The following SUGCT variants were observed in gnomAD, a reference collection of about 807,000 sequenced individuals.
The protein encoded by SUGCT is succinyl-CoA:glutarate CoA-transferase.
A neutral mutation model predicts 55.0 loss-of-function variants in SUGCT; 41 were observed. The observed-to-expected ratio is 0.74, with a 90% CI of 0.58 to 0.97. SUGCT has a LOEUF of 0.97. SUGCT is among the 50% of genes least tolerant of loss of function. The pLI, the probability that SUGCT is intolerant of heterozygous loss-of-function variation, is 0.00. For missense variants in SUGCT, 568 were observed against 547.8 expected (o/e 1.04, Z -0.37); for synonymous variants, 187 against 200.4 (o/e 0.93, Z 0.56).
the SUGCT span, among the ~76,000 whole-genome samples, chr7:40,951,270 A>T: frequency 6.6e-6 from 1 of 152,088 alleles, no homozygotes; most frequent in Non-Finnish European, 1.5e-5. Flanking sequence ...GTATTCTCTG[A>T]TGGTAGTTTG....
chr7:40,695,740 A>G (rs766730457), intron 12 of SUGCT, among the ~76,000 whole-genome samples: 13 of 152,292 alleles, frequency 8.5e-5, no homozygotes, highest in East Asian at 3.9e-4. Flanking sequence ...GTTAAGAATA[A>G]TCGTTATGGG....
intron 12 of SUGCT, among the ~76,000 whole-genome samples, chr7:40,592,031 A>G (rs1347438468): frequency 1.3e-5 from 2 of 152,186 alleles, no homozygotes; most frequent in Non-Finnish European, 2.9e-5. Context: ...GTATGCCTAT[A>G]TTTCTTGGCA....
At chr7:40,415,381 T>C (rs1786944304) in intron 9 of SUGCT, among the ~76,000 whole-genome samples, 1 of 151,866 alleles carries the variant, frequency 6.6e-6, no homozygotes, top group Non-Finnish European at 1.5e-5. Flanking sequence ...TTTATGTTTA[T>C]TGGACATTTG....
intron 1 of SUGCT, among the ~76,000 whole-genome samples, chr7:40,179,183 G>C (rs1289737454): frequency 6.6e-6 from 1 of 152,120 alleles, no homozygotes; most frequent in Non-Finnish European, 1.5e-5. Flanking sequence ...TATCTCTGCT[G>C]TAAGCCATTG....
At chr7:40,160,907 A>G (rs542927181) in intron 1 of SUGCT, among the ~76,000 whole-genome samples, 5 of 152,294 alleles carry the variant, frequency 3.3e-5, no homozygotes, top group African/African-American at 1.2e-4. Flanking sequence ...TGATTTTCAT[A>G]GCATACTGAT....
intron 12 of SUGCT, among the ~76,000 whole-genome samples, chr7:40,506,999 T>G (rs534447897): frequency 6.6e-6 from 1 of 152,306 alleles, no homozygotes; most frequent in South Asian, 2.1e-4. Context: ...TTTGAGCATA[T>G]TTATAACAGC....
chr7:40,243,339 A>C (rs1789591962), intron 7 of SUGCT, among the ~76,000 whole-genome samples: 1 of 152,064 alleles, frequency 6.6e-6, no homozygotes, highest in Non-Finnish European at 1.5e-5. Flanking sequence ...CATATGTGTA[A>C]TGTTGTATTA....
At chr7:40,496,770 T>TCATATGATTATCTTAAACCTCTGAC (rs2151519922) in intron 12 of SUGCT, among the ~76,000 whole-genome samples, 1 of 148,184 alleles carries the variant, frequency 6.7e-6, no homozygotes, top group African/African-American at 2.5e-5. Flanking sequence ...AAACCTCTGA[T>TCATATGATTATCTTAAACCTCTGAC]CATATGATTA....
chr7:40,273,893 C>T (rs981695025), intron 7 of SUGCT, among the ~76,000 whole-genome samples: 3 of 152,108 alleles, frequency 2.0e-5, no homozygotes, highest in Non-Finnish European at 4.4e-5. Flanking sequence ...CCCAGTGCTC[C>T]ATGTCCCATA....
intron 8 of SUGCT, among the ~76,000 whole-genome samples, chr7:40,289,020 A>T (rs1273512572): frequency 6.6e-6 from 1 of 152,172 alleles, no homozygotes; most frequent in Non-Finnish European, 1.5e-5. Context: ...ATGTTTAACC[A>T]CTACTATGTC....
At chr7:40,383,192 T>G (rs1784956235) in intron 9 of SUGCT, among the ~76,000 whole-genome samples, 1 of 152,160 alleles carries the variant, frequency 6.6e-6, no homozygotes, top group Admixed American at 6.5e-5. Context: ...GGACTTGTGT[T>G]TCCTCTGTTT....
chr7:40,991,856 T>C, the SUGCT span, among the ~76,000 whole-genome samples: 1 of 152,054 alleles, frequency 6.6e-6, no homozygotes, highest in Admixed American at 6.6e-5. Flanking sequence ...TGCATGGTGT[T>C]AGAAGATGGA....
intron 1 of SUGCT, among the ~76,000 whole-genome samples, chr7:40,174,663 T>C (rs529575876): frequency 6.6e-6 from 1 of 152,216 alleles, no homozygotes; most frequent in Admixed American, 6.5e-5. Flanking sequence ...AATAAATGAA[T>C]AAAGTTGATT....
Position 40,181,006 on chromosome 7 carries a change from T to C in SUGCT, c.152+8T>C, listed in dbSNP as rs751997717. ...AATTCTGGATCTAACAAGGTTTGTA[T>C]TGGTTTATCTACATTTTGGTGATTG... On this transcript the variant is annotated splice_region_variant and intron_variant, in intron 2 of 13. Transcript: ENST00000335693. 35 of 1,597,880 alleles carry C rather than the reference T, an allele frequency of 2.2e-5. No individual in the cohort carries two copies. The highest frequency in any genetic ancestry group is 3.3e-4 in the Middle Eastern group (2 of 6,036).
chr7:40,162,573 C>T (rs987965267), intron 1 of SUGCT, among the ~76,000 whole-genome samples: 37 of 152,282 alleles, frequency 2.4e-4, no homozygotes, highest in African/African-American at 7.7e-4. Context: ...ACCTGCTGGG[C>T]TCAAGTGATC....
At chr7:40,366,615 G>T (rs1332394666) in intron 9 of SUGCT, among the ~76,000 whole-genome samples, 2 of 152,140 alleles carry the variant, frequency 1.3e-5, no homozygotes, top group African/African-American at 4.8e-5. Context: ...GATATGAACA[G>T]ACACTTCTCA....
rs1562865900 is a variant in SUGCT at position 40,565,997 on chromosome 7, A to ATG, written c.1089+69611_1089+69612insTG. The stretch of plus-strand genomic sequence containing the variant: ...CACACACACACACACACACACGCAC[A>ATG]CACACACACACACACACACACACAC... On this transcript the variant is annotated intron_variant, in intron 12 of 13. Transcript: ENST00000335693. Among the ~76,000 whole-genome samples, 9 of 66,812 alleles carry ATG rather than the reference A, an allele frequency of 1.3e-4. No individual in the cohort carries two copies. In the East Asian group the frequency reaches 5.7e-3, roughly 42 times the overall value. 43.8% of individuals were successfully genotyped at this position (66,812 alleles called of 152,430 possible).
At chr7:40,511,491 T>C (rs1243425608) in intron 12 of SUGCT, among the ~76,000 whole-genome samples, 2 of 152,156 alleles carry the variant, frequency 1.3e-5, no homozygotes, top group Non-Finnish European at 2.9e-5. Flanking sequence ...TCAAACTAAG[T>C]CTGCAGGTTA....
intron 8 of SUGCT, 109 bp from the exon 9 acceptor site, chr7:40,316,651 T>G (rs764752122): frequency 2.5e-5 from 17 of 670,934 alleles, no homozygotes; most frequent in African/African-American, 3.7e-5. Flanking sequence ...ACAGGTTTTT[T>G]TCTTCTACAA....
Sources: allele counts gnomAD v4.1 joint callset (sites outside exome capture counted in the v4.1 genomes callset), GRCh38; gene constraint gnomAD v4.1.1; transcripts MANE v1.5; gene names NCBI Gene and HGNC (gene_info 2026-07-23, HGNC 2026-07-21).